The following WDR37 variants were observed in gnomAD, a reference collection of about 807,000 sequenced individuals.
WDR37 encodes the protein WD repeat-containing protein 37.
Under a neutral mutation model 62.9 loss-of-function variants are expected in WDR37, and 19 were observed. The ratio of observed to expected loss-of-function variants is 0.30; its 90% CI spans 0.21 to 0.44. WDR37 has a LOEUF of 0.44. Ranked by LOEUF, WDR37 falls within the 20% of genes least tolerant of loss-of-function variation. WDR37 has a pLI of 1.00. For missense variants in WDR37, 474 were observed against 657.6 expected (o/e 0.72, Z 3.05); for synonymous variants, 250 against 260.9 (o/e 0.96, Z 0.40).
chr10:1,079,997 T>C lies in WDR37; in HGVS notation c.236-14T>C. On this transcript the variant is annotated splice_polypyrimidine_tract_variant and intron_variant, in intron 3 of 13. Coordinates refer to ENST00000263150, the MANE Select transcript of WDR37 (RefSeq NM_014023.4). ...AAACATACTTTAGATTTTTGAAAAC[T>C]TTTTTCTTCCCAGTACGTAGAGAAA... 6.2e-7 allele frequency: 1 copy of C among 1,612,406 alleles called. No homozygotes were observed. Among genetic ancestry groups the C allele is most frequent in the South Asian group, 1.1e-5 (1 of 90,620 alleles).
At chr10:1,069,097 G>A (rs1000150873) in intron 1 of WDR37, among the ~76,000 whole-genome samples, 3 of 152,066 alleles carry the variant, frequency 2.0e-5, no homozygotes, top group Non-Finnish European at 4.4e-5. Context: ...TCGTTTTGGG[G>A]TGATAAAAAT....
chr10:1,092,544 G>C (rs1834430721), intron 7 of WDR37, among the ~76,000 whole-genome samples: 2 of 151,542 alleles, frequency 1.3e-5, no homozygotes, highest in South Asian at 4.2e-4. Flanking sequence ...CTAATTTTTT[G>C]TATTTTTAGT....
At chr10:1,092,105 G>A (rs1168675307) in intron 7 of WDR37, among the ~76,000 whole-genome samples, 1 of 150,482 alleles carries the variant, frequency 6.6e-6, no homozygotes, top group Non-Finnish European at 1.5e-5. Context: ...GCATGAACCT[G>A]GGAGGCGGAG....
intron 11 of WDR37, among the ~76,000 whole-genome samples, chr10:1,122,844 C>T (rs931370420): frequency 6.6e-6 from 1 of 152,212 alleles, no homozygotes; most frequent in Non-Finnish European, 1.5e-5. Context: ...CAGATTTTGC[C>T]TGGGTTTCTT....
At position 1,129,370 on chromosome 10, in the gene WDR37, T is replaced by C. The variant is rs770468745; in HGVS notation, c.*26T>C. The C allele has an allele frequency of 2.0e-5, 33 of 1,613,756 alleles. No individual in the cohort carries two copies. The highest frequency in any genetic ancestry group is 2.7e-5 in the Non-Finnish European group (32 of 1,179,710). On this transcript the variant is annotated 3_prime_UTR_variant, in exon 14 of 14. Coordinates refer to ENST00000263150, the MANE Select transcript of WDR37 (RefSeq NM_014023.4). ...GGACACCGGCAGCCCTTAGTTTCAC[T>C]GTTTGCCAGCACAGACCTTTGATGG...
intron 13 of WDR37, among the ~76,000 whole-genome samples, chr10:1,128,155 A>C (rs146946839): frequency 6.6e-6 from 1 of 152,336 alleles, no homozygotes; most frequent in Non-Finnish European, 1.5e-5. Flanking sequence ...CTCTCTCCAG[A>C]TGTATAAATA....
At chr10:1,067,234 C>G (rs912560564) in intron 1 of WDR37, among the ~76,000 whole-genome samples, 2 of 152,128 alleles carry the variant, frequency 1.3e-5, no homozygotes, top group African/African-American at 4.8e-5. Flanking sequence ...ATTGGATACA[C>G]AGGTGAAAAC....
At position 1,124,897 on chromosome 10, in the gene WDR37, CTCT is replaced by C. The variant is rs1424479150; in HGVS notation, c.1239-8_1239-6del. 6.2e-7 allele frequency: 1 copy of C among 1,613,592 alleles called. No individual in the cohort carries two copies. Among genetic ancestry groups the C allele is most frequent in the East Asian group, 2.2e-5 (1 of 44,888 alleles). On this transcript the variant is annotated splice_polypyrimidine_tract_variant and intron_variant, in intron 12 of 13. Transcript: ENST00000263150. ...TGTTTCATGCACAACCCACTTTTAC[CTCT>C]TCTTTGCAGGATCAATGTATGTGTC...
chr10:1,085,601 G>A (rs1199148285), intron 6 of WDR37, among the ~76,000 whole-genome samples: 2 of 152,192 alleles, frequency 1.3e-5, no homozygotes, highest in African/African-American at 4.8e-5. Context: ...CAGCTTGTGA[G>A]ACGTTAATCA....
intron 2 of WDR37, 79 bp downstream of exon 2, chr10:1,072,372 C>A: frequency 6.4e-7 from 1 of 1,559,234 alleles, no homozygotes; most frequent in Non-Finnish European, 8.7e-7. Context: ...GGCTGGAGTG[C>A]GATGGTGCGA....
Position 1,059,575 on chromosome 10 carries a change from A to C in WDR37, c.-41+2607A>C, listed in dbSNP as rs560411237. Among the ~76,000 whole-genome samples, 6 of 151,914 alleles carry C rather than the reference A, an allele frequency of 3.9e-5. No homozygotes were observed. In the South Asian group the frequency reaches 1.0e-3, roughly 26 times the overall value. On this transcript the variant is annotated intron_variant, in intron 1 of 13. Transcript: ENST00000263150. ...GCACTTTGGGAGGCTGGGTCAGGTG[A>C]ATCATGAGGTCAGGAGTTCAAGACC...
chr10:1,111,868 C>T (rs1835226707), intron 11 of WDR37, among the ~76,000 whole-genome samples: 1 of 151,198 alleles, frequency 6.6e-6, no homozygotes, highest in Non-Finnish European at 1.5e-5. Flanking sequence ...CAGTGTGTCA[C>T]AGGAATTCAG....
rs1333969500 is a variant in WDR37, at chr10:1,131,664, CACAG to C, written c.*2324_*2327del. On this transcript the variant is annotated 3_prime_UTR_variant, in exon 14 of 14. Transcript: ENST00000263150. ...CTGCTGCAGCGTGGTGATCAGGAGT[CACAG>C]ACAAGATCGGGGATGGTGTGTGTGT... is the stretch of plus-strand genomic sequence containing the variant. The C allele has an allele frequency of 5.3e-5, 8 of 150,020 alleles. No individual in the cohort carries two copies. The highest frequency in any genetic ancestry group is 4.7e-4 in the Admixed American group (7 of 14,972). 9.3% of individuals were successfully genotyped at this position (150,020 alleles called of 1,614,324 possible).
At chr10:1,074,599 C>T (rs541651817) in intron 2 of WDR37, 43 of 1,144,668 alleles carry the variant, frequency 3.8e-5, no homozygotes, top group African/African-American at 1.1e-4. Flanking sequence ...TTCCCCCTGC[C>T]GTGGGCGGGA....
chr10:1,109,287 T>C (rs770203783), intron 11 of WDR37, among the ~76,000 whole-genome samples: 3 of 152,268 alleles, frequency 2.0e-5, no homozygotes, highest in Admixed American at 1.3e-4. Context: ...GAAGATTTTA[T>C]TTTTGTTTTG....
At position 1,077,990 on chromosome 10, in the gene WDR37, C is replaced by G. The variant is rs764425377; in HGVS notation, c.222C>G (p.Ile74Met). 7.5e-6 allele frequency: 12 copies of G among 1,608,166 alleles called. No individual in the cohort carries two copies. In the East Asian group the frequency reaches 2.7e-4, roughly 36 times the overall value. Residue 74 changes from isoleucine to methionine, a missense_variant, in exon 3 of 14, where the codon ATC becomes ATG. By Grantham distance (10) the Ile-to-Met change is conservative. Coordinates refer to ENST00000263150, the MANE Select transcript of WDR37 (RefSeq NM_014023.4). The stretch of plus-strand genomic sequence containing the variant: ...AAAGAGAATTTGAAAACCTTTATAT[C>G]GAAAACTTAGAATGTGAGTATCTCC... ...QIEREFENLY[I>M]ENLELRREID...
rs1173513514 is a variant in WDR37 at position 1,112,359 on chromosome 10, C to G, written c.1103+7092C>G. 2.6e-5 allele frequency among the ~76,000 whole-genome samples: 4 copies of G among 152,352 alleles called. No homozygotes were observed. In the East Asian group the frequency reaches 5.8e-4, roughly 22 times the overall value. On this transcript the variant is annotated intron_variant, in intron 11 of 13. Transcript: ENST00000263150. The stretch of plus-strand genomic sequence containing the variant: ...AGTCGATAAATCGTGTGTGTTCCGA[C>G]TGCCCCACTAACTGGCCGTTCCTTC...
chr10:1,097,240 A>T (rs1448131113), intron 9 of WDR37, among the ~76,000 whole-genome samples: 2 of 152,240 alleles, frequency 1.3e-5, no homozygotes, highest in African/African-American at 4.8e-5. Context: ...CGAAGAGCAC[A>T]TGCAGGGTTT....
chr10:1,074,590 TC>T (rs1833812874), intron 2 of WDR37: 2 of 1,200,392 alleles, frequency 1.7e-6, no homozygotes, highest in Non-Finnish European at 2.2e-6. Flanking sequence ...TGCTCTGCCT[TC>T]CCCCTGCCGT....
Sources: gnomAD v4.1 joint callset for allele counts (sites outside exome capture counted in the v4.1 genomes callset) on GRCh38, gnomAD v4.1.1 for gene constraint, MANE v1.5 for transcripts, NCBI Gene and HGNC (gene_info 2026-07-23, HGNC 2026-07-21) for gene names.